The following DPYD variants were observed in gnomAD, a reference collection of about 807,000 sequenced individuals.
The protein encoded by DPYD is dihydropyrimidine dehydrogenase.
DPYD carries 109 observed loss-of-function variants against 116.2 expected under a neutral mutation model. That is an observed-to-expected ratio of 0.94 (90% CI 0.80 to 1.10). The LOEUF is 1.10. Among genes scored for constraint, DPYD ranks in the 50% least tolerant of loss-of-function variants. The pLI is 0.00. For synonymous variants in DPYD, 440 were observed against 432.0 expected (o/e 1.02, Z -0.23); for missense variants, 1,302 against 1,254.5 (o/e 1.04, Z -0.57).
chr1:97,549,381 A>C (rs1186910755), intron 12 of DPYD, among the ~76,000 whole-genome samples, 179 bp downstream of exon 12: 2 of 152,062 alleles, frequency 1.3e-5, no homozygotes, highest in Admixed American at 1.3e-4. Flanking sequence ...TTTTTAATCA[A>C]CTCAACAGTT....
intron 20 of DPYD, among the ~76,000 whole-genome samples, chr1:97,146,727 G>A (rs1044869745): frequency 6.6e-6 from 1 of 152,126 alleles, no homozygotes; most frequent in Non-Finnish European, 1.5e-5. Context: ...GGTCCATATG[G>A]TATTTATAAT....
chr1:97,510,975 T>A (rs529135413), intron 13 of DPYD, among the ~76,000 whole-genome samples: 1 of 151,900 alleles, frequency 6.6e-6, no homozygotes, highest in South Asian at 2.1e-4. Context: ...ATTATAGCAA[T>A]CCCACATGAT....
intron 18 of DPYD, among the ~76,000 whole-genome samples, chr1:97,245,585 T>C (rs1662667032): frequency 6.6e-6 from 1 of 152,104 alleles, no homozygotes; most frequent in Admixed American, 6.6e-5. Flanking sequence ...ATTCTATGTG[T>C]TTTCAAAAAT....
At chr1:97,596,964 G>T (rs906962355) in intron 8 of DPYD, among the ~76,000 whole-genome samples, 5 of 152,164 alleles carry the variant, frequency 3.3e-5, no homozygotes, top group Admixed American at 2.0e-4. Flanking sequence ...ATGGGGATAA[G>T]ACTGTTTCCC....
intron 13 of DPYD, among the ~76,000 whole-genome samples, chr1:97,494,670 G>C (rs1679162527): frequency 6.6e-6 from 1 of 151,910 alleles, no homozygotes; most frequent in Non-Finnish European, 1.5e-5. Flanking sequence ...TTGAGCCCAG[G>C]AGATCAGGCT....
At chr1:97,905,961 C>G (rs1673593012) in intron 1 of DPYD, among the ~76,000 whole-genome samples, 1 of 152,020 alleles carries the variant, frequency 6.6e-6, no homozygotes, top group African/African-American at 2.4e-5. Flanking sequence ...CTTGGTTTCA[C>G]CATTTCTGAA....
At chr1:97,088,052 A>G (rs919175625) in intron 21 of DPYD, among the ~76,000 whole-genome samples, 3 of 152,170 alleles carry the variant, frequency 2.0e-5, no homozygotes, top group Admixed American at 6.5e-5. Context: ...TTTCTCATAT[A>G]AGCACCAAAC....
intron 8 of DPYD, among the ~76,000 whole-genome samples, chr1:97,598,704 GAC>G (rs1655049207): frequency 1.3e-5 from 2 of 152,168 alleles, no homozygotes; most frequent in African/African-American, 4.8e-5. Context: ...ATTGACTACA[GAC>G]ACTACTCTAA....
At chr1:97,108,980 T>A (rs1651382642) in intron 20 of DPYD, among the ~76,000 whole-genome samples, 3 of 152,160 alleles carry the variant, frequency 2.0e-5, no homozygotes, top group Admixed American at 6.6e-5. Context: ...CAATGCAATA[T>A]GCAGAATGAT....
At chr1:97,334,804 A>G (rs1207839840) in intron 16 of DPYD, among the ~76,000 whole-genome samples, 1 of 152,202 alleles carries the variant, frequency 6.6e-6, no homozygotes, top group Non-Finnish European at 1.5e-5. Context: ...ATCAGTGCTC[A>G]GCAGAACTAT....
chr1:97,396,873 A>T (rs1429245246), intron 14 of DPYD, among the ~76,000 whole-genome samples: 4 of 151,970 alleles, frequency 2.6e-5, no homozygotes, highest in Non-Finnish European at 5.9e-5. Flanking sequence ...ATCCTCAATG[A>T]TCTCAGAGAC....
chr1:97,880,112 C>T (rs1212034145), intron 2 of DPYD, among the ~76,000 whole-genome samples: 3 of 151,522 alleles, frequency 2.0e-5, no homozygotes, highest in African/African-American at 7.3e-5. Context: ...AAGGAATCTT[C>T]AATCTAAAGA....
At chr1:97,273,760 T>C (rs935180944) in intron 18 of DPYD, among the ~76,000 whole-genome samples, 1 of 152,220 alleles carries the variant, frequency 6.6e-6, no homozygotes, top group African/African-American at 2.4e-5. Context: ...CATATTAAAA[T>C]GCAAGTGTCT....
intron 16 of DPYD, among the ~76,000 whole-genome samples, chr1:97,366,766 G>A (rs1671063355): frequency 6.6e-6 from 1 of 152,142 alleles, no homozygotes; most frequent in African/African-American, 2.4e-5. Flanking sequence ...AAAGCGAACA[G>A]AACTCAGCAG....
intron 13 of DPYD, among the ~76,000 whole-genome samples, chr1:97,510,325 GT>G (rs35402669): frequency 0.18 from 26,696 of 151,880 alleles, 2,521 homozygotes; most frequent in East Asian, 0.26. Context: ...TGATTGCTAT[GT>G]GCCTTCCATT....
chr1:97,752,404 G>A (rs547322761), intron 3 of DPYD, among the ~76,000 whole-genome samples: 8 of 151,334 alleles, frequency 5.3e-5, no homozygotes, highest in South Asian at 2.1e-4. Flanking sequence ...TGTTGATTAC[G>A]CCAAGTGAAA....
intron 1 of DPYD, among the ~76,000 whole-genome samples, chr1:97,889,489 A>G (rs965619910): frequency 6.6e-6 from 1 of 152,066 alleles, no homozygotes; most frequent in Non-Finnish European, 1.5e-5. Context: ...CAGAACAACA[A>G]ACTTTTAAAG....
At chr1:97,574,795 A>C (rs186474468) in intron 10 of DPYD, among the ~76,000 whole-genome samples, 1 of 152,262 alleles carries the variant, frequency 6.6e-6, no homozygotes, top group African/African-American at 2.4e-5. Flanking sequence ...TAAAAAATGC[A>C]AAAATGTCCT....
At chr1:97,190,689 T>G (rs937251795) in intron 20 of DPYD, among the ~76,000 whole-genome samples, 1 of 152,156 alleles carries the variant, frequency 6.6e-6, no homozygotes, top group African/African-American at 2.4e-5. Flanking sequence ...ATAAGTAAGG[T>G]AAGCATAAGG....
Sources: gnomAD v4.1 joint callset for allele counts (sites outside exome capture counted in the v4.1 genomes callset) on GRCh38, gnomAD v4.1.1 for gene constraint, MANE v1.5 for transcripts, NCBI Gene and HGNC (gene_info 2026-07-23, HGNC 2026-07-21) for gene names.